Variants in OLFML2A observed in about 807,000 individuals in gnomAD.
OLFML2A encodes olfactomedin-like protein 2A.
OLFML2A carries 47 observed loss-of-function variants against 60.9 expected under a neutral mutation model. That is an observed-to-expected ratio of 0.77 (90% CI 0.61 to 0.98). The LOEUF (loss-of-function observed/expected upper bound fraction) is 0.98. OLFML2A is among the 50% of genes least tolerant of loss of function. The pLI is 0.00. For missense variants in OLFML2A, 922 were observed against 879.8 expected (o/e 1.05, Z -0.61); for synonymous variants, 372 against 375.0 (o/e 0.99, Z 0.09).
At chr9:124,800,553 C>A (rs1366600508) in intron 4 of OLFML2A, among the ~76,000 whole-genome samples, 3 of 152,232 alleles carry the variant, frequency 2.0e-5, no homozygotes, top group African/African-American at 4.8e-5. Context: ...CTCCACATCT[C>A]GGTCTCCTTT....
At chr9:124,809,488 A>C (rs1331942922) in intron 7 of OLFML2A, among the ~76,000 whole-genome samples, 1 of 152,102 alleles carries the variant, frequency 6.6e-6, no homozygotes, top group Non-Finnish European at 1.5e-5. Context: ...GGCAGTCCTA[A>C]CAGAGGAACA....
At chr9:124,803,316 G>A (rs1458194874) in intron 5 of OLFML2A, among the ~76,000 whole-genome samples, 1 of 152,076 alleles carries the variant, frequency 6.6e-6, no homozygotes, top group Admixed American at 6.6e-5. Flanking sequence ...AGGTTGCAGT[G>A]TAGTGGCACG....
At chr9:124,802,215 G>A (rs1031618862) in intron 5 of OLFML2A, among the ~76,000 whole-genome samples, 3 of 152,194 alleles carry the variant, frequency 2.0e-5, no homozygotes, top group African/African-American at 7.2e-5. Context: ...GGGTGACAAA[G>A]TAATTGGCAA....
rs1248166967 is a variant in OLFML2A, at chr9:124,812,251, C to G, written c.*1839C>G. The G allele has an allele frequency of 6.6e-6, 1 of 152,206 alleles. No individual in the cohort carries two copies. Among genetic ancestry groups the G allele is most frequent in the African/African-American group, 2.4e-5 (1 of 41,358 alleles). The allele number at this position is 152,206 out of a possible 1,614,324, so 9.4% of individuals were successfully genotyped here. ...TCTCGGCTCACTGCAACCTCTGCCC[C>G]CTGGGTTCAAGCGATTCTCCTGCCT... is the stretch of plus-strand genomic sequence containing the variant. On this transcript the variant is annotated 3_prime_UTR_variant, in exon 8 of 8. Transcript: ENST00000373580.
chr9:124,794,324 C>T (rs535291559), intron 2 of OLFML2A, among the ~76,000 whole-genome samples: 3 of 152,318 alleles, frequency 2.0e-5, no homozygotes, highest in Admixed American at 2.0e-4. Flanking sequence ...TAAAGAGAGT[C>T]ACAGATGCAG....
Position 124,799,450 on chromosome 9 carries a change from G to A in OLFML2A, c.628G>A (p.Ala210Thr), listed in dbSNP as rs576608672. Residue 210 changes from alanine (A) to threonine (T), a missense_variant, in exon 4 of 8, where the codon GCC (alanine) becomes ACC (threonine). Physicochemically the swap from Ala to Thr is moderately conservative, Grantham distance 58. Transcript: ENST00000373580. ...GCTGCTGCAGAAGGATGCCGCCGCC[G>A]CCCCTGCCACCCCTGCCACGGGCAC... is the stretch of plus-strand genomic sequence containing the variant. ...LQLLQKDAAA[A>T]PATPATGTGS... The A allele has an allele frequency of 2.5e-5, 40 of 1,606,848 alleles. No individual in the cohort carries two copies. The highest frequency in any genetic ancestry group is 1.1e-4 in the East Asian group (5 of 44,570).
At chr9:124,799,077 T>A (rs990486524) in intron 3 of OLFML2A, among the ~76,000 whole-genome samples, 18 of 152,240 alleles carry the variant, frequency 1.2e-4, no homozygotes, top group African/African-American at 4.3e-4. Flanking sequence ...TCTATTTTTT[T>A]AATTCCTTCA....
chr9:124,796,851 C>A (rs1334473239), intron 3 of OLFML2A, among the ~76,000 whole-genome samples: 2 of 152,210 alleles, frequency 1.3e-5, no homozygotes, highest in African/African-American at 4.8e-5. Context: ...TGGGATTCTA[C>A]TGGTTAGAGG....
In OLFML2A at chr9:124,804,158, C is replaced by T. The variant is rs752871884; in HGVS notation, c.984C>T (p.Asn328=). The change falls in exon 6 of 8, where the codon AAC becomes AAT. Residue 328 remains asparagine, a synonymous_variant. Transcript: ENST00000373580. Reference sequence around the variant, plus strand: ...CGCCCAAGGTGGAGGGCAGGTCCAACTCCGCAGAGCCCAACTCCGCAGAGC... The same window carrying T: ...CGCCCAAGGTGGAGGGCAGGTCCAATTCCGCAGAGCCCAACTCCGCAGAGC... ...QLPPKVEGRS[N]SAEPNSAEQD... is the part of the protein sequence containing the mutation. 6.2e-7 allele frequency: 1 copy of T among 1,613,866 alleles called. No homozygotes were observed. Among genetic ancestry groups the T allele is most frequent in the East Asian group, 2.2e-5 (1 of 44,882 alleles).
intron 6 of OLFML2A, among the ~76,000 whole-genome samples, chr9:124,805,521 C>T (rs1400044065): frequency 6.6e-6 from 1 of 151,978 alleles, no homozygotes; most frequent in Non-Finnish European, 1.5e-5. Flanking sequence ...AAACTGTATA[C>T]TCACAGTTTT....
chr9:124,809,320 G>A lies in OLFML2A; in HGVS notation c.1355-488G>A, dbSNP rs572172657. On this transcript the variant is annotated intron_variant, in intron 7 of 7. Transcript: ENST00000373580. ...AGGCTTCTGTCTGGCTGCTACAGAC[G>A]TGTCCTGGGGGGATAAAAGACAAAG... 1.2e-4 allele frequency among the ~76,000 whole-genome samples: 18 copies of A among 152,276 alleles called. No homozygotes were observed. The South Asian group carries it at 3.5e-3, about 30-fold the overall frequency.
At chr9:124,792,997 C>T (rs1841596753) in intron 2 of OLFML2A, among the ~76,000 whole-genome samples, 1 of 152,190 alleles carries the variant, frequency 6.6e-6, no homozygotes, top group Admixed American at 6.5e-5. Context: ...CACAGCCTCC[C>T]GCCCCCGTCT....
chr9:124,779,016 C>T lies in OLFML2A; in HGVS notation c.90+1656C>T. The stretch of plus-strand genomic sequence containing the variant: ...GAGTATATGAGCAGTGGGCACTGGC[C>T]AACTCTCAGCCTGATTCAGCTCAGG... On this transcript the variant is annotated intron_variant, in intron 1 of 7. Transcript: ENST00000373580. This position sits in a 1 kb window ranked among gnomAD's most constrained non-coding sequence, Gnocchi z 4.1. 1 of 946,092 alleles carries T rather than the reference C, an allele frequency of 1.1e-6. No individual in the cohort carries two copies. The highest frequency in any genetic ancestry group is 1.3e-6 in the Non-Finnish European group (1 of 794,208). The allele number at this position is 946,092 out of a possible 1,614,324, so 58.6% of individuals were successfully genotyped here.
chr9:124,782,782 A>G (rs1219138620), intron 1 of OLFML2A, among the ~76,000 whole-genome samples: 3 of 152,062 alleles, frequency 2.0e-5, no homozygotes, highest in East Asian at 3.9e-4. Flanking sequence ...GAGGGAAGGA[A>G]TGTCACGGTC....
At position 124,795,150 on chromosome 9, in the gene OLFML2A, C is replaced by T; in HGVS notation, c.462+19C>T. On this transcript the variant is annotated intron_variant, in intron 3 of 7. Coordinates refer to ENST00000373580, the MANE Select transcript of OLFML2A (RefSeq NM_182487.4). Reference sequence around the variant, plus strand: ...GGAAGAGGTAAGGGCGGGGCTGCCGCCAGAGGCCAGGCTGCTCTGGTGCTG... The same window carrying T: ...GGAAGAGGTAAGGGCGGGGCTGCCGTCAGAGGCCAGGCTGCTCTGGTGCTG... The T allele has an allele frequency of 6.9e-7, 1 of 1,456,000 alleles. No homozygotes were observed. 90.2% of individuals were successfully genotyped at this position (1,456,000 alleles called of 1,614,324 possible).
intron 6 of OLFML2A, among the ~76,000 whole-genome samples, chr9:124,807,013 A>C (rs1177057357): frequency 6.6e-6 from 1 of 150,822 alleles, no homozygotes; most frequent in Non-Finnish European, 1.5e-5. Flanking sequence ...TCCCAGGCTC[A>C]AGCAATCCTC....
chr9:124,806,700 A>C (rs1457600068), intron 6 of OLFML2A, among the ~76,000 whole-genome samples: 1 of 151,748 alleles, frequency 6.6e-6, no homozygotes, highest in Non-Finnish European at 1.5e-5. Context: ...GGCTCACTGC[A>C]ACCTCCTGCA....
chr9:124,790,632 G>A (rs79749875), intron 2 of OLFML2A, among the ~76,000 whole-genome samples: 1,594 of 152,228 alleles, frequency 0.01, 28 homozygotes, highest in African/African-American at 0.037. Flanking sequence ...GGATTGACCC[G>A]GCAGGTGGGG....
chr9:124,787,500 T>G (rs1841497740), intron 2 of OLFML2A, among the ~76,000 whole-genome samples: 1 of 152,192 alleles, frequency 6.6e-6, no homozygotes, highest in Non-Finnish European at 1.5e-5. Flanking sequence ...AGCTATACTT[T>G]ACATTTTGTG....
Sources: allele counts gnomAD v4.1 joint callset (sites outside exome capture counted in the v4.1 genomes callset), GRCh38; gene constraint gnomAD v4.1.1; non-coding constraint Gnocchi (gnomAD v3.1); transcripts MANE v1.5; gene names NCBI Gene and HGNC (gene_info 2026-07-23, HGNC 2026-07-21).